SLAMF6: variants seen among roughly 807,000 people sequenced by gnomAD.
SLAMF6 encodes SLAM family member 6.
In SLAMF6, 21 loss-of-function variants were observed where a neutral mutation model predicts 38.3. The observed-to-expected ratio is 0.55, with a 90% CI of 0.39 to 0.79. The LOEUF (loss-of-function observed/expected upper bound fraction) is 0.79, where lower values mean the gene tolerates loss of function less well. Ranked by LOEUF, SLAMF6 falls within the 30% of genes least tolerant of loss-of-function variation. SLAMF6 has a pLI of 0.00. For synonymous variants in SLAMF6, 152 were observed against 146.3 expected, an observed-to-expected ratio of 1.04 and a Z score of -0.28; for missense variants, 341 against 385.3, an observed-to-expected ratio of 0.89 and a Z score of 0.96.
At chr1:160,514,164 T>C (rs1654629954) in intron 1 of SLAMF6, among the ~76,000 whole-genome samples, 1 of 151,984 alleles carries the variant, frequency 6.6e-6, no homozygotes, top group East Asian at 1.9e-4. Flanking sequence ...AATAAAGGGA[T>C]AGAGGAAAAT....
intron 1 of SLAMF6, among the ~76,000 whole-genome samples, chr1:160,515,958 C>G (rs1654721449): frequency 6.6e-6 from 1 of 152,156 alleles, no homozygotes; most frequent in Admixed American, 6.5e-5. Flanking sequence ...CAAGGATGCC[C>G]TCTCTCACCA....
intron 1 of SLAMF6, among the ~76,000 whole-genome samples, chr1:160,519,874 T>A (rs566323025): frequency 6.6e-6 from 1 of 152,054 alleles, no homozygotes; most frequent in African/African-American, 2.4e-5. Context: ...ATAATAGAAG[T>A]GGTGGTTTCA....
chr1:160,507,603 A>C (rs1404455415), intron 1 of SLAMF6, among the ~76,000 whole-genome samples: 1 of 152,172 alleles, frequency 6.6e-6, no homozygotes, highest in East Asian at 1.9e-4. Context: ...CCTCAAATGC[A>C]CATAAGTCGT....
rs201169469 is a variant in SLAMF6 at position 160,515,045 on chromosome 1, C to CA, written c.49+8098dup. Among the ~76,000 whole-genome samples, 1,292 of 151,918 alleles carry CA rather than the reference C, an allele frequency of 8.5e-3. 25 individuals carry two copies. The highest frequency in any genetic ancestry group is 0.03 in the African/African-American group (1,243 of 41,462). On this transcript the variant is annotated intron_variant, in intron 1 of 7. Coordinates refer to ENST00000368057, the MANE Select transcript of SLAMF6 (RefSeq NM_001184714.2). Reference sequence around the variant, plus strand: ...GGAGATAGATAAAAGAAGAATGCTTCAAAAAAATCAAGGAGTCCAGAATCT... The same window carrying CA: ...GGAGATAGATAAAAGAAGAATGCTTCAAAAAAAATCAAGGAGTCCAGAATCT...
At chr1:160,487,680 G>A (rs1653038988) in intron 6 of SLAMF6, among the ~76,000 whole-genome samples, 1 of 152,140 alleles carries the variant, frequency 6.6e-6, no homozygotes, top group South Asian at 2.1e-4. Context: ...TTGGCCTTAA[G>A]AATGGCTCTG....
At chr1:160,490,743 T>A (rs1653243089) in intron 3 of SLAMF6, 58 bp from the exon 4 acceptor site, 2 of 1,589,164 alleles carry the variant, frequency 1.3e-6, no homozygotes, top group Non-Finnish European at 8.5e-7. Context: ...CCACTGTTCT[T>A]GGAGCCTCCG....
chr1:160,515,255 A>G (rs1311655889), intron 1 of SLAMF6, among the ~76,000 whole-genome samples: 1 of 152,212 alleles, frequency 6.6e-6, no homozygotes, highest in East Asian at 1.9e-4. Flanking sequence ...AACCTAGAAA[A>G]TCTAGAAGAA....
rs1652986117 is a variant in SLAMF6, at chr1:160,486,801, C to T, written c.952-47G>A. The T allele has an allele frequency of 1.9e-5, 31 of 1,603,414 alleles. No individual in the cohort carries two copies. In the East Asian group the frequency reaches 5.8e-4, roughly 30 times the overall value. ...GAGGTAGGTTAATTGGAACTGGAAC[C>T]TCAGCCCACCCCTCATAACTACAGA... On this transcript the variant is annotated intron_variant, in intron 7 of 7. Transcript: ENST00000368057.
At chr1:160,499,073 C>T (rs12123772) in intron 1 of SLAMF6, among the ~76,000 whole-genome samples, 29,560 of 152,060 alleles carry the variant, frequency 0.19, 2,984 homozygotes, top group Admixed American at 0.26. Flanking sequence ...TACTTAGGTT[C>T]CACTTGTCAA....
intron 4 of SLAMF6, 128 bp from the exon 5 acceptor site, chr1:160,490,364 G>C: frequency 1.4e-6 from 2 of 1,456,890 alleles, no homozygotes; most frequent in Non-Finnish European, 1.9e-6. Context: ...CCTGAGACAG[G>C]GTCCCACTTT....
chr1:160,518,267 C>T (rs555347270), intron 1 of SLAMF6, among the ~76,000 whole-genome samples: 1 of 152,144 alleles, frequency 6.6e-6, no homozygotes, highest in South Asian at 2.1e-4. Flanking sequence ...CAGATGCTGG[C>T]AAGGCTGTGG....
chr1:160,490,472 C>T, intron 4 of SLAMF6, 103 bp downstream of exon 4: 1 of 1,490,650 alleles, frequency 6.7e-7, no homozygotes, highest in Non-Finnish European at 9.0e-7. Flanking sequence ...CAGCCTCCCT[C>T]CCTCCTCCTG....
At chr1:160,493,641 T>C (rs1653418527) in intron 2 of SLAMF6, among the ~76,000 whole-genome samples, 1 of 152,202 alleles carries the variant, frequency 6.6e-6, no homozygotes, top group Non-Finnish European at 1.5e-5. Context: ...TTAATAAACC[T>C]ATCATGGCTT....
chr1:160,498,745 A>G (rs1366763655), intron 1 of SLAMF6, among the ~76,000 whole-genome samples: 1 of 152,058 alleles, frequency 6.6e-6, no homozygotes, highest in Non-Finnish European at 1.5e-5. Flanking sequence ...TGACTTTTTA[A>G]TAATAGCCAT....
At chr1:160,493,941 A>T (rs999259800) in intron 2 of SLAMF6, among the ~76,000 whole-genome samples, 12 of 151,684 alleles carry the variant, frequency 7.9e-5, no homozygotes, top group African/African-American at 2.7e-4. Context: ...CATGGGGGAA[A>T]CCTCCCACAT....
chr1:160,491,195 G>A lies in SLAMF6; in HGVS notation c.576C>T (p.Asp192=). 6 of 1,614,080 alleles carry A rather than the reference G, an allele frequency of 3.7e-6. No individual in the cohort carries two copies. Among genetic ancestry groups the A allele is most frequent in the Non-Finnish European group, 5.1e-6 (6 of 1,179,990 alleles). The change falls in exon 3 of 8, where the codon GAC becomes GAT. Residue 192 remains aspartate (D), a synonymous_variant. Coordinates refer to ENST00000368057, the MANE Select transcript of SLAMF6 (RefSeq NM_001184714.2). The part of the protein sequence containing the change: ...SWDPRISSEQ[D]YTCIAENAVS... ...CAGCATTCTCTGCTATGCAGGTGTA[G>A]TCCTGTTCACTGGAAATCCTGGGGT...
At chr1:160,490,038 C>A in intron 5 of SLAMF6, 160 bp downstream of exon 5, 1 of 825,700 alleles carries the variant, frequency 1.2e-6, no homozygotes. Flanking sequence ...CCATGTAGGA[C>A]CCATGATTAC....
chr1:160,503,289 C>A (rs1362527396), intron 1 of SLAMF6, among the ~76,000 whole-genome samples: 7 of 151,974 alleles, frequency 4.6e-5, no homozygotes. Context: ...ACTGACAAGT[C>A]ATCAATAAAT....
rs1042168518 is a variant in SLAMF6 at position 160,491,288 on chromosome 1, A to G, written c.483T>C (p.Asn161=). ...LTCSVEDADD[N]VSFRWEALGN... ...CCAAGGCCTCCCATCTGAATGAGAC[A>G]TTGTCATCTGCATCCTCCACAGAGC... Residue 161 remains asparagine (N), a synonymous_variant, in exon 3 of 8, where the codon AAT becomes AAC. Transcript: ENST00000368057. The G allele has an allele frequency of 2.0e-5, 33 of 1,613,928 alleles. No individual in the cohort carries two copies. The highest frequency in any genetic ancestry group is 2.5e-5 in the Non-Finnish European group (30 of 1,179,986).
Sources: gnomAD v4.1 joint callset for allele counts (sites outside exome capture counted in the v4.1 genomes callset) on GRCh38, gnomAD v4.1.1 for gene constraint, MANE v1.5 for transcripts, NCBI Gene and HGNC (gene_info 2026-07-23, HGNC 2026-07-21) for gene names.